NF2: variants seen among roughly 807,000 people sequenced by gnomAD.
The protein encoded by NF2 is NF2, moesin-ezrin-radixin like (MERLIN) tumor suppressor.
Under a neutral mutation model 83.7 loss-of-function variants are expected in NF2, and 8 were observed. That is an observed-to-expected ratio of 0.10 (90% confidence interval 0.06 to 0.17). The LOEUF is 0.17. Ranked by LOEUF, NF2 falls within the 10% of genes least tolerant of loss-of-function variation. The pLI is 1.00. For synonymous variants in NF2, 266 were observed against 269.6 expected, an observed-to-expected ratio of 0.99 and a Z score of 0.13; for missense variants, 533 against 744.4, an observed-to-expected ratio of 0.72 and a Z score of 3.31.
intron 1 of NF2, among the ~76,000 whole-genome samples, chr22:29,630,125 TAAGGTTGAGTCTC>T (rs2065469682): frequency 6.6e-6 from 1 of 152,192 alleles, no homozygotes; most frequent in Admixed American, 6.5e-5. Context: ...ATAGCAGTTT[TAAGGTTGAGTCTC>T]AACCTGGCCA....
intron 7 of NF2, among the ~76,000 whole-genome samples, chr22:29,658,651 C>G (rs1397184161): frequency 7.2e-6 from 1 of 138,356 alleles, no homozygotes; most frequent in Non-Finnish European, 1.6e-5. Context: ...ACCCCAGGCA[C>G]TAGTAGAGTA....
rs1268587868 is a variant in NF2, at chr22:29,694,377, G to C, written c.1738-375G>C. On this transcript the variant is annotated intron_variant, in intron 15 of 15. Transcript: ENST00000338641. The surrounding 1 kb of genome is among the most constrained non-coding windows in gnomAD (Gnocchi z 4.1). ...AGCCCGGAGGGGATGAGCAGCCTCA[G>C]CTGGTGCCGCCACAGACAGCACACC... is the stretch of plus-strand genomic sequence containing the variant. 6.6e-6 allele frequency among the ~76,000 whole-genome samples: 1 copy of C among 152,236 alleles called. No homozygotes were observed. The highest frequency in any genetic ancestry group is 1.9e-4 in the East Asian group (1 of 5,194).
intron 1 of NF2, among the ~76,000 whole-genome samples, chr22:29,631,017 A>G (rs1417150929): frequency 6.6e-6 from 1 of 152,194 alleles, no homozygotes; most frequent in East Asian, 1.9e-4. Flanking sequence ...GGAGCCCCAC[A>G]GGTATTGTTG....
intron 1 of NF2, among the ~76,000 whole-genome samples, chr22:29,619,102 G>A (rs2065145877): frequency 6.6e-6 from 1 of 151,956 alleles, no homozygotes; most frequent in African/African-American, 2.4e-5. Context: ...CCAGACTGGA[G>A]TGCATGATCT....
Position 29,674,934 on chromosome 22 carries a change from C to T in NF2, c.1439C>T (p.Thr480Met), listed in dbSNP as rs145666157. 1.2e-4 allele frequency: 191 copies of T among 1,565,200 alleles called. 1 individual carries two copies. In the East Asian group the frequency reaches 3.0e-3, roughly 24 times the overall value. ...CTCCTGGAGATTGCCACCAAGCCCA[C>T]GTACCCGGTGAGCCTGGGGGCCACC... ...QKLLEIATKP[T>M]YPPMNPIPAP... The change falls in exon 13 of 16, where the codon ACG (threonine) becomes ATG (methionine). Residue 480 changes from threonine (T) to methionine (M), a missense_variant. Around this residue, in one of 3 missense-constraint regions of NF2, gnomAD observed 199 missense variants for 240.7 expected, o/e 0.83. Coordinates refer to ENST00000338641, the MANE Select transcript of NF2 (RefSeq NM_000268.4).
At chr22:29,644,544 C>G (rs1405051113) in intron 4 of NF2, among the ~76,000 whole-genome samples, 2 of 151,822 alleles carry the variant, frequency 1.3e-5, no homozygotes, top group African/African-American at 4.8e-5. Flanking sequence ...GCTGCAATCT[C>G]GGCACTTTGG....
chr22:29,629,085 C>T (rs1236627620), intron 1 of NF2, among the ~76,000 whole-genome samples: 3 of 152,024 alleles, frequency 2.0e-5, no homozygotes, highest in African/African-American at 7.2e-5. Context: ...GTCCTGTGAT[C>T]TATTTCTATT....
intron 1 of NF2, among the ~76,000 whole-genome samples, chr22:29,627,372 C>T (rs1211240679): frequency 6.6e-6 from 1 of 152,152 alleles, no homozygotes; most frequent in East Asian, 1.9e-4. Context: ...AGCTAAATTC[C>T]AAAGATATTG....
chr22:29,648,341 A>G (rs959573871), intron 4 of NF2, among the ~76,000 whole-genome samples: 2 of 152,176 alleles, frequency 1.3e-5, no homozygotes, highest in Non-Finnish European at 2.9e-5. Flanking sequence ...ATACAAAAAG[A>G]TGTTTCATCT....
intron 15 of NF2, among the ~76,000 whole-genome samples, chr22:29,686,579 C>G (rs984838446): frequency 3.9e-5 from 6 of 152,170 alleles, no homozygotes; most frequent in Non-Finnish European, 7.3e-5. Context: ...GTGGGGGTTG[C>G]AGTGAGCCAA....
chr22:29,641,092 C>T lies in NF2; in HGVS notation c.364-1110C>T, dbSNP rs113362774. Among the ~76,000 whole-genome samples, 676 of 152,336 alleles carry T rather than the reference C, an allele frequency of 4.4e-3. 5 individuals carry two copies. Among genetic ancestry groups the T allele is most frequent in the African/African-American group, 0.016 (645 of 41,576 alleles). ...AGGTTGCAGTGAGCCGAGATTGCGC[C>T]ATTGCACTCCAGCCTGGGCAACCAG... is the stretch of plus-strand genomic sequence containing the variant. On this transcript the variant is annotated intron_variant, in intron 3 of 15. Transcript: ENST00000338641.
intron 9 of NF2, among the ~76,000 whole-genome samples, chr22:29,667,450 A>G (rs2066656872): frequency 1.3e-5 from 2 of 152,226 alleles, no homozygotes; most frequent in Non-Finnish European, 2.9e-5. Flanking sequence ...CATGTTGTCC[A>G]GGCTTGTCTT....
chr22:29,634,439 T>A (rs2065595498), intron 1 of NF2, among the ~76,000 whole-genome samples: 1 of 152,230 alleles, frequency 6.6e-6, no homozygotes, highest in African/African-American at 2.4e-5. Context: ...AATACAATTT[T>A]ATGCTGGAGA....
intron 15 of NF2, among the ~76,000 whole-genome samples, chr22:29,685,038 T>G (rs2067236783): frequency 6.6e-6 from 1 of 151,082 alleles, no homozygotes; most frequent in African/African-American, 2.4e-5. Flanking sequence ...GGGGATGAGA[T>G]GCAAAAGCTG....
At chr22:29,642,641 T>G (rs2065843765) in intron 4 of NF2, among the ~76,000 whole-genome samples, 1 of 152,164 alleles carries the variant, frequency 6.6e-6, no homozygotes, top group South Asian at 2.1e-4. Flanking sequence ...TTTTTCTTTT[T>G]TTTTTTTAAA....
intron 1 of NF2, among the ~76,000 whole-genome samples, chr22:29,632,017 A>G (rs1431747236): frequency 6.6e-6 from 1 of 152,170 alleles, no homozygotes; most frequent in Non-Finnish European, 1.5e-5. Flanking sequence ...TTGTTTCTAG[A>G]ATGGTATTAG....
intron 1 of NF2, among the ~76,000 whole-genome samples, chr22:29,623,106 A>AT (rs1194945705): frequency 6.6e-6 from 1 of 151,736 alleles, no homozygotes; most frequent in Non-Finnish European, 1.5e-5. Context: ...ACATGCCACC[A>AT]ATACCTGGCT....
chr22:29,636,769 G>A lies in NF2; in HGVS notation c.133G>A (p.Asp45Asn), dbSNP rs370147621. 1 of 1,614,182 alleles carries A rather than the reference G, an allele frequency of 6.2e-7. No individual in the cohort carries two copies. Among genetic ancestry groups the A allele is most frequent in the Non-Finnish European group, 8.5e-7 (1 of 1,180,036 alleles). Residue 45 changes from aspartate to asparagine, a missense_variant, in exon 2 of 16, where the codon GAC becomes AAC. Asp to Asn is a conservative substitution (Grantham distance 23). Coordinates refer to ENST00000338641, the MANE Select transcript of NF2 (RefSeq NM_000268.4). The surrounding 1 kb of genome is among the most constrained non-coding windows in gnomAD (Gnocchi z 4.4). ...FNCEMKWKGK[D>N]LFDLVCRTLG... ...ATTGCAGATGAAGTGGAAAGGGAAG[G>A]ACCTCTTTGATTTGGTGTGCCGGAC...
intron 9 of NF2, 38 bp from the exon 10 acceptor site, chr22:29,668,295 G>T: frequency 6.6e-7 from 1 of 1,505,676 alleles, no homozygotes; most frequent in South Asian, 1.1e-5. Flanking sequence ...AAGTAAATTT[G>T]TGGATATTAA....
Sources: gnomAD v4.1 joint callset for allele counts (sites outside exome capture counted in the v4.1 genomes callset) on GRCh38, gnomAD v4.1.1 for gene constraint, gnomAD v4.1.1 regional missense constraint, Gnocchi (gnomAD v3.1) non-coding constraint, MANE v1.5 for transcripts, NCBI Gene and HGNC (gene_info 2026-07-23, HGNC 2026-07-21) for gene names.